Variants in FAM185A observed in about 807,000 individuals in gnomAD.
FAM185A encodes protein FAM185A.
A neutral mutation model predicts 45.7 loss-of-function variants in FAM185A; 21 were observed. That is an observed-to-expected ratio of 0.46 (90% CI 0.33 to 0.66). The LOEUF is 0.66. Among genes scored for constraint, FAM185A ranks in the 30% least tolerant of loss-of-function variants. FAM185A has a pLI of 0.03. For missense variants in FAM185A, 305 were observed against 485.4 expected (o/e 0.63, Z 3.49); for synonymous variants, 117 against 194.0 (o/e 0.60, Z 3.30).
intron 7 of FAM185A, among the ~76,000 whole-genome samples, chr7:102,801,129 T>C (rs1483901143): frequency 6.6e-6 from 1 of 152,152 alleles, no homozygotes; most frequent in East Asian, 1.9e-4. Context: ...CCAGCGAAAC[T>C]AGGCATTGTG....
At chr7:102,848,884 C>T in the FAM185A span, among the ~76,000 whole-genome samples, 1 of 151,998 alleles carries the variant, frequency 6.6e-6, no homozygotes, top group Non-Finnish European at 1.5e-5. Context: ...CCTGTAATCC[C>T]AGCTACTCGG....
chr7:102,824,782 G>A, the FAM185A span, among the ~76,000 whole-genome samples: 1 of 137,608 alleles, frequency 7.3e-6, no homozygotes, highest in Non-Finnish European at 1.5e-5. Context: ...CACCATGCCC[G>A]GCCTTTTTTT....
At chr7:102,794,035 CAAA>C (rs765672577) in intron 7 of FAM185A, among the ~76,000 whole-genome samples, 1 of 60,608 alleles carries the variant, frequency 1.6e-5, no homozygotes, top group Non-Finnish European at 3.2e-5. Flanking sequence ...GACTCTGTCT[CAAA>C]AAAAAAAAAA....
the FAM185A span, among the ~76,000 whole-genome samples, chr7:102,844,255 C>T: frequency 6.6e-6 from 1 of 152,160 alleles, no homozygotes; most frequent in Non-Finnish European, 1.5e-5. Flanking sequence ...TAAGAGGGAG[C>T]TATGTTTGGG....
chr7:102,751,087 T>C (rs138394977), intron 1 of FAM185A, among the ~76,000 whole-genome samples: 1 of 152,310 alleles, frequency 6.6e-6, no homozygotes, highest in Non-Finnish European at 1.5e-5. Context: ...CTAATGTTTT[T>C]GTTTTTTTGT....
the FAM185A span, among the ~76,000 whole-genome samples, chr7:102,848,721 C>T: frequency 2.0e-5 from 3 of 151,984 alleles, no homozygotes; most frequent in Non-Finnish European, 2.9e-5. Context: ...AGGCCAGGCA[C>T]GGCGCCTCAC....
At chr7:102,754,950 G>A (rs1361607830) in intron 2 of FAM185A, 7 of 174,012 alleles carry the variant, frequency 4.0e-5, no homozygotes, top group African/African-American at 2.4e-5. Context: ...ATTTTTTGGG[G>A]AATTAGATGA....
intron 7 of FAM185A, among the ~76,000 whole-genome samples, chr7:102,804,166 A>G (rs1241388152): frequency 1.3e-5 from 2 of 152,238 alleles, no homozygotes; most frequent in Non-Finnish European, 2.9e-5. Context: ...CATTCTTCAC[A>G]GAGTTAGAGA....
intron 6 of FAM185A, among the ~76,000 whole-genome samples, chr7:102,783,533 C>T (rs2129440344): frequency 6.6e-6 from 1 of 152,298 alleles, no homozygotes; most frequent in South Asian, 2.1e-4. Flanking sequence ...AACTGAACAA[C>T]CTGCTCTTGA....
chr7:102,840,989 T>C, the FAM185A span, among the ~76,000 whole-genome samples: 4 of 152,100 alleles, frequency 2.6e-5, no homozygotes, highest in Admixed American at 2.6e-4. Context: ...TGAGGAAATA[T>C]AATGAACAAA....
chr7:102,780,837 G>A (rs1036708451), intron 6 of FAM185A, among the ~76,000 whole-genome samples: 23 of 152,322 alleles, frequency 1.5e-4, no homozygotes, highest in African/African-American at 5.1e-4. Flanking sequence ...GCAGCGCACC[G>A]AGCGTGAGCC....
chr7:102,814,078 A>T (rs1797663875), downstream of FAM185A, among the ~76,000 whole-genome samples: 1 of 152,180 alleles, frequency 6.6e-6, no homozygotes. Flanking sequence ...ACACAGTATT[A>T]AAAAATACTG....
At chr7:102,791,627 A>G (rs1796148551) in intron 7 of FAM185A, among the ~76,000 whole-genome samples, 1 of 152,228 alleles carries the variant, frequency 6.6e-6, no homozygotes, top group African/African-American at 2.4e-5. Flanking sequence ...CTGATCAAGC[A>G]TCGTTTTGCA....
the FAM185A span, among the ~76,000 whole-genome samples, chr7:102,826,678 C>T: frequency 3.7e-5 from 5 of 136,352 alleles, no homozygotes; most frequent in East Asian, 2.2e-4. Context: ...TGAGCTGTGA[C>T]TGCACCACTA....
the FAM185A span, among the ~76,000 whole-genome samples, chr7:102,817,653 CCTCT>C: frequency 1.3e-5 from 2 of 151,846 alleles, no homozygotes; most frequent in African/African-American, 4.8e-5. Context: ...CTGGGAGAAA[CCTCT>C]CTCTCTCTCC....
the FAM185A span, among the ~76,000 whole-genome samples, chr7:102,847,901 C>T: frequency 6.6e-6 from 1 of 152,092 alleles, no homozygotes; most frequent in African/African-American, 2.4e-5. Context: ...AATGTATAAT[C>T]ACATAGCATC....
chr7:102,828,205 C>T, the FAM185A span, among the ~76,000 whole-genome samples: 1 of 152,112 alleles, frequency 6.6e-6, no homozygotes, highest in Admixed American at 6.5e-5. Context: ...TTGATTCTTC[C>T]TACCCATGAG....
rs554874699 is a variant in FAM185A, at chr7:102,755,616, G to A, written c.562-2238G>A. The stretch of plus-strand genomic sequence containing the variant: ...AGCTCCGCTGGTGGTGACTGCACAC[G>A]ACATGGATCCCATTGAGCTGACTGT... On this transcript the variant is annotated intron_variant, in intron 2 of 7. Coordinates refer to ENST00000413034, the MANE Select transcript of FAM185A (RefSeq NM_001145268.2). The A allele has an allele frequency of 2.5e-4, 156 of 618,720 alleles. No homozygotes were observed. The Middle Eastern group carries it at 3.2e-3, about 13-fold the overall frequency. 38.3% of individuals were successfully genotyped at this position (618,720 alleles called of 1,614,324 possible). A position where few individuals can be genotyped will look rare whatever the true frequency, so the allele number is the denominator to read the frequency against.
intron 6 of FAM185A, among the ~76,000 whole-genome samples, chr7:102,786,294 C>T (rs944866302): frequency 6.6e-6 from 1 of 152,190 alleles, no homozygotes; most frequent in African/African-American, 2.4e-5. Flanking sequence ...GGATCTTGAA[C>T]TAGAAATACC....
Sources: allele counts gnomAD v4.1 joint callset (sites outside exome capture counted in the v4.1 genomes callset), GRCh38; gene constraint gnomAD v4.1.1; transcripts MANE v1.5; gene names NCBI Gene and HGNC (gene_info 2026-07-23, HGNC 2026-07-21).